Variants in INTS6 observed in about 807,000 individuals in gnomAD.
The protein encoded by INTS6 is integrator complex subunit 6.
In INTS6, 16 loss-of-function variants were observed where a neutral mutation model predicts 104.9. That is an observed-to-expected ratio of 0.15 (90% confidence interval 0.10 to 0.23). The LOEUF is 0.23. Among genes scored for constraint, INTS6 ranks in the 10% least tolerant of loss-of-function variants. INTS6 has a pLI of 1.00. For synonymous variants in INTS6, 324 were observed against 358.7 expected, an observed-to-expected ratio of 0.90 and a Z score of 1.09; for missense variants, 584 against 1,062.8, an observed-to-expected ratio of 0.55 and a Z score of 6.26.
chr13:51,379,613 TA>T (rs745509963), intron 10 of INTS6, 41 bp from the exon 11 acceptor site: 6 of 1,164,736 alleles, frequency 5.2e-6, no homozygotes, highest in Non-Finnish European at 7.3e-6. Context: ...TTAAGCTTAT[TA>T]AAAACTTATG....
chr13:51,408,268 C>T (rs1424868908), intron 4 of INTS6, among the ~76,000 whole-genome samples: 4 of 151,476 alleles, frequency 2.6e-5, no homozygotes, highest in Admixed American at 2.6e-4. Context: ...CTCAGCCTCC[C>T]GAGTAGCTGG....
At chr13:51,337,886 A>G in the INTS6 span, among the ~76,000 whole-genome samples, 2 of 152,240 alleles carry the variant, frequency 1.3e-5, no homozygotes, top group African/African-American at 4.8e-5. Flanking sequence ...AGATAGAAAT[A>G]AACATGATAA....
At chr13:51,439,767 A>G (rs1952758781) in intron 3 of INTS6, 1 of 152,196 alleles carries the variant, frequency 6.6e-6, no homozygotes, top group African/African-American at 2.4e-5. Flanking sequence ...ATAGCTACTT[A>G]TGGCTTCTCA....
intron 3 of INTS6, chr13:51,438,661 T>A (rs919499041): frequency 1.3e-5 from 2 of 152,262 alleles, no homozygotes; most frequent in Non-Finnish European, 2.9e-5. Flanking sequence ...AGGCCTGATC[T>A]TGTGGATGCA....
At chr13:51,384,673 C>T (rs753167106) in intron 7 of INTS6, 7 of 456,586 alleles carry the variant, frequency 1.5e-5, no homozygotes, top group African/African-American at 6.0e-5. Context: ...TTGATATCTT[C>T]CCCTCATCCT....
chr13:51,377,916 T>C (rs9563049), intron 12 of INTS6, among the ~76,000 whole-genome samples: 6,948 of 152,138 alleles, frequency 0.046, 185 homozygotes, highest in East Asian at 0.1. Context: ...ATGCTGTGGG[T>C]CTAATAGGGT....
At chr13:51,435,789 TG>T (rs1052577071) in intron 3 of INTS6, among the ~76,000 whole-genome samples, 2 of 152,104 alleles carry the variant, frequency 1.3e-5, no homozygotes, top group Non-Finnish European at 2.9e-5. Flanking sequence ...TAATCATGTT[TG>T]TCAAGTCAAT....
At chr13:51,366,377 TAA>T (rs1955688823) in intron 17 of INTS6, among the ~76,000 whole-genome samples, 1 of 152,020 alleles carries the variant, frequency 6.6e-6, no homozygotes, top group East Asian at 1.9e-4. Flanking sequence ...TAGACATCTA[TAA>T]TACAGAGTAT....
chr13:51,381,326 A>C (rs1490200085), intron 10 of INTS6, among the ~76,000 whole-genome samples: 1 of 152,226 alleles, frequency 6.6e-6, no homozygotes, highest in East Asian at 1.9e-4. Context: ...CCTAAATCTA[A>C]GCCAGACTGA....
Position 51,374,192 on chromosome 13 carries a change from A to G in INTS6, c.2104+16T>C. ...AAAAGGCAGCAAATAATGTTTAAGA[A>G]AAAAACAATTCTTACTTTTATGAAG... On this transcript the variant is annotated intron_variant, in intron 15 of 17. Transcript: ENST00000311234. 6.3e-7 allele frequency: 1 copy of G among 1,597,136 alleles called. No individual in the cohort carries two copies. Among genetic ancestry groups the G allele is most frequent in the Non-Finnish European group, 8.6e-7 (1 of 1,165,942 alleles).
chr13:51,415,502 A>C (rs1057056213), intron 4 of INTS6, among the ~76,000 whole-genome samples: 21 of 152,130 alleles, frequency 1.4e-4, no homozygotes, highest in Admixed American at 1.4e-3. Context: ...TAAGTCTCAC[A>C]AGATCTGATG....
At chr13:51,425,326 T>A (rs930426879) in intron 4 of INTS6, among the ~76,000 whole-genome samples, 2 of 152,016 alleles carry the variant, frequency 1.3e-5, no homozygotes, top group African/African-American at 4.8e-5. Flanking sequence ...TTACCGAATA[T>A]CTATCCCATG....
intron 5 of INTS6, among the ~76,000 whole-genome samples, chr13:51,391,882 T>C (rs1270278879): frequency 2.6e-5 from 4 of 152,206 alleles, no homozygotes; most frequent in African/African-American, 7.2e-5. Flanking sequence ...AACATGTCTA[T>C]TACACATTTT....
intron 10 of INTS6, 137 bp downstream of exon 10, chr13:51,381,892 G>A: frequency 2.1e-5 from 8 of 373,234 alleles, no homozygotes; most frequent in Admixed American, 1.4e-4. Context: ...TAGTAGAAAC[G>A]GGGTTTCACC....
chr13:51,368,516 GT>G (rs1317919475), intron 16 of INTS6, among the ~76,000 whole-genome samples: 1 of 152,106 alleles, frequency 6.6e-6, no homozygotes, highest in Admixed American at 6.6e-5. Context: ...CATAACTTTA[GT>G]TTTTTGGCCT....
chr13:51,440,301 G>A (rs569821454), intron 3 of INTS6: 1 of 151,218 alleles, frequency 6.6e-6, no homozygotes, highest in East Asian at 1.9e-4. Flanking sequence ...ATAGAAAAAA[G>A]CTTACAGAAT....
intron 4 of INTS6, 129 bp from the exon 5 acceptor site, chr13:51,395,612 A>C: frequency 1.3e-6 from 1 of 772,128 alleles, no homozygotes; most frequent in Non-Finnish European, 2.0e-6. Context: ...TCAAATATAA[A>C]AGCTTACTTG....
At chr13:51,381,700 T>G (rs1255495911) in intron 10 of INTS6, among the ~76,000 whole-genome samples, 2 of 99,248 alleles carry the variant, frequency 2.0e-5, no homozygotes, top group African/African-American at 8.9e-5. Flanking sequence ...ACAAGTTTTT[T>G]GTTTTTTTTT....
chr13:51,406,453 C>T (rs560316069), intron 4 of INTS6, among the ~76,000 whole-genome samples: 7 of 151,956 alleles, frequency 4.6e-5, no homozygotes, highest in Non-Finnish European at 7.4e-5. Flanking sequence ...CTGTTTCTTA[C>T]GTCACCTCCT....
Sources: allele counts gnomAD v4.1 joint callset (sites outside exome capture counted in the v4.1 genomes callset), GRCh38; gene constraint gnomAD v4.1.1; transcripts MANE v1.5; gene names NCBI Gene and HGNC (gene_info 2026-07-23, HGNC 2026-07-21).